ADGRB3: variants seen among roughly 807,000 people sequenced by gnomAD.
ADGRB3 encodes brain-specific angiogenesis inhibitor 3.
Under a neutral mutation model 193.4 loss-of-function variants are expected in ADGRB3, and 37 were observed. The ratio of observed to expected loss-of-function variants is 0.19; its 90% CI spans 0.15 to 0.25. ADGRB3 has a LOEUF of 0.25. Ranked by LOEUF, ADGRB3 falls within the 10% of genes least tolerant of loss-of-function variation. The probability of loss-of-function intolerance (pLI) is 1.00; values close to 1 mark genes in which losing one functional copy is unlikely to be tolerated. For missense variants in ADGRB3, 1,637 were observed against 1,852.9 expected, an observed-to-expected ratio of 0.88 and a Z score of 2.14; for synonymous variants, 690 against 644.2, an observed-to-expected ratio of 1.07 and a Z score of -1.08.
intron 24 of ADGRB3, among the ~76,000 whole-genome samples, chr6:69,337,918 C>A (rs1221067670): frequency 6.6e-6 from 1 of 152,178 alleles, no homozygotes; most frequent in Non-Finnish European, 1.5e-5. Flanking sequence ...ACAGAGTAAT[C>A]ATTTTAGACA....
chr6:68,973,720 C>A (rs922534656), intron 8 of ADGRB3, among the ~76,000 whole-genome samples: 9 of 151,952 alleles, frequency 5.9e-5, no homozygotes, highest in Non-Finnish European at 1.0e-4. Context: ...GTGAGTAGAC[C>A]CAAACAAGAT....
intron 20 of ADGRB3, among the ~76,000 whole-genome samples, chr6:69,287,388 A>G (rs920247941): frequency 3.3e-5 from 5 of 152,230 alleles, no homozygotes; most frequent in Non-Finnish European, 4.4e-5. Context: ...TTTTATTTAA[A>G]AAATAACTTA....
At chr6:68,927,722 C>A (rs1310274950) in intron 3 of ADGRB3, among the ~76,000 whole-genome samples, 2 of 151,446 alleles carry the variant, frequency 1.3e-5, no homozygotes, top group Non-Finnish European at 2.9e-5. Flanking sequence ...GTGGAATATT[C>A]AAAAAAATAC....
At position 68,983,456 on chromosome 6, in the gene ADGRB3, A is replaced by T. The variant is rs186054100; in HGVS notation, c.1734+8116A>T. 3.7e-3 allele frequency among the ~76,000 whole-genome samples: 551 copies of T among 149,070 alleles called. 5 individuals carry two copies. The highest frequency in any genetic ancestry group is 0.011 in the Middle Eastern group (3 of 280). Reference sequence around the variant, plus strand: ...ATAGGATAGAATATAATTGTATAGTATATAACATATATATAGTATATATAT... The same window carrying T: ...ATAGGATAGAATATAATTGTATAGTTTATAACATATATATAGTATATATAT... On this transcript the variant is annotated intron_variant, in intron 10 of 31. Transcript: ENST00000370598.
chr6:69,216,796 C>A (rs1375517213), intron 17 of ADGRB3, among the ~76,000 whole-genome samples: 1 of 152,076 alleles, frequency 6.6e-6, no homozygotes, highest in African/African-American at 2.4e-5. Context: ...GACATGGGGT[C>A]CCAGTGGTGT....
At chr6:68,685,248 T>A (rs1366390885) in intron 3 of ADGRB3, among the ~76,000 whole-genome samples, 1 of 152,116 alleles carries the variant, frequency 6.6e-6, no homozygotes, top group African/African-American at 2.4e-5. Context: ...ATTTTCAGGG[T>A]GCCAAAGATA....
At chr6:69,224,196 G>A (rs1765959085) in intron 17 of ADGRB3, among the ~76,000 whole-genome samples, 1 of 151,918 alleles carries the variant, frequency 6.6e-6, no homozygotes, top group African/African-American at 2.4e-5. Context: ...TGAAGTAAAA[G>A]CCATTAGAGT....
At chr6:68,657,056 C>T (rs1768506830) in intron 3 of ADGRB3, among the ~76,000 whole-genome samples, 1 of 151,450 alleles carries the variant, frequency 6.6e-6, no homozygotes, top group African/African-American at 2.4e-5. Context: ...TCCAGTTTTA[C>T]TCATCTGTAG....
At chr6:69,324,571 T>C (rs1257039882) in intron 20 of ADGRB3, among the ~76,000 whole-genome samples, 1 of 152,188 alleles carries the variant, frequency 6.6e-6, no homozygotes, top group African/African-American at 2.4e-5. Flanking sequence ...TAATTATGTT[T>C]TAAAAATTCA....
chr6:69,204,920 T>G (rs1765504373), intron 17 of ADGRB3, among the ~76,000 whole-genome samples: 1 of 152,238 alleles, frequency 6.6e-6, no homozygotes, highest in South Asian at 2.1e-4. Flanking sequence ...CTTTATAGGA[T>G]TTTCAATTTC....
At chr6:68,973,754 T>C (rs1768655425) in intron 8 of ADGRB3, among the ~76,000 whole-genome samples, 1 of 152,196 alleles carries the variant, frequency 6.6e-6, no homozygotes, top group Non-Finnish European at 1.5e-5. Flanking sequence ...TGAAGACTGA[T>C]ATATGAACAT....
chr6:69,325,850 T>C (rs1460265140), intron 21 of ADGRB3, among the ~76,000 whole-genome samples: 3 of 152,216 alleles, frequency 2.0e-5, no homozygotes, highest in African/African-American at 7.2e-5. Context: ...CAAGGTCTAT[T>C]ATGTCTAGCT....
intron 3 of ADGRB3, among the ~76,000 whole-genome samples, chr6:68,845,630 G>A (rs1028570542): frequency 2.6e-5 from 4 of 152,142 alleles, no homozygotes; most frequent in Middle Eastern, 3.4e-3. Context: ...AGATCTGATG[G>A]GTTTATCAGG....
intron 17 of ADGRB3, among the ~76,000 whole-genome samples, chr6:69,182,085 T>C (rs1775599982): frequency 6.6e-6 from 1 of 152,142 alleles, no homozygotes; most frequent in African/African-American, 2.4e-5. Flanking sequence ...AAATCATTTA[T>C]TTGGCAACAA....
intron 3 of ADGRB3, among the ~76,000 whole-genome samples, chr6:68,734,450 G>T (rs1765834442): frequency 6.6e-6 from 1 of 151,868 alleles, no homozygotes; most frequent in Admixed American, 6.6e-5. Flanking sequence ...TTATCATAAT[G>T]ATGTGGTTCA....
chr6:68,859,874 C>T (rs1212385920), intron 3 of ADGRB3, among the ~76,000 whole-genome samples: 1 of 151,464 alleles, frequency 6.6e-6, no homozygotes, highest in African/African-American at 2.4e-5. Context: ...TGAGGAGCCC[C>T]AATATTTTGT....
At chr6:69,033,659 G>A (rs1426170432) in intron 13 of ADGRB3, among the ~76,000 whole-genome samples, 1 of 152,028 alleles carries the variant, frequency 6.6e-6, no homozygotes, top group East Asian at 1.9e-4. Context: ...ACATGAGAGA[G>A]CAGGTACAAA....
At chr6:68,932,642 G>A (rs1767372404) in intron 4 of ADGRB3, among the ~76,000 whole-genome samples, 1 of 151,692 alleles carries the variant, frequency 6.6e-6, no homozygotes, top group Non-Finnish European at 1.5e-5. Context: ...AATAAATACA[G>A]GTAAGTGTCA....
At chr6:69,189,487 A>G (rs1420125771) in intron 17 of ADGRB3, among the ~76,000 whole-genome samples, 2 of 152,136 alleles carry the variant, frequency 1.3e-5, no homozygotes, top group Non-Finnish European at 1.5e-5. Flanking sequence ...ATTTTTTATT[A>G]TTGTTTGTTA....
Sources: allele counts gnomAD v4.1 joint callset (sites outside exome capture counted in the v4.1 genomes callset), GRCh38; gene constraint gnomAD v4.1.1; transcripts MANE v1.5; gene names NCBI Gene and HGNC (gene_info 2026-07-23, HGNC 2026-07-21).